The following RBFOX1 variants were observed in gnomAD, a reference collection of about 807,000 sequenced individuals.
The protein encoded by RBFOX1 is RNA binding protein fox-1 homolog 1.
Under a neutral mutation model 57.7 loss-of-function variants are expected in RBFOX1, and 8 were observed. The ratio of observed to expected loss-of-function variants is 0.14; its 90% CI spans 0.08 to 0.25. The LOEUF is 0.25. RBFOX1 is among the 10% of genes least tolerant of loss of function. RBFOX1 has a pLI of 1.00. For synonymous variants in RBFOX1, 326 were observed against 222.4 expected (o/e 1.47, Z -4.15); for missense variants, 611 against 548.5 (o/e 1.11, Z -1.14).
At chr16:7,706,443 G>C (rs3785189) in intron 14 of RBFOX1, among the ~76,000 whole-genome samples, 2 of 152,022 alleles carry the variant, frequency 1.3e-5, no homozygotes, top group Admixed American at 1.3e-4. Context: ...TATGCCCAGC[G>C]TTATAGAATT....
At chr16:5,589,260 C>T (rs1027221875) in intron 2 of RBFOX1, among the ~76,000 whole-genome samples, 1 of 152,140 alleles carries the variant, frequency 6.6e-6, no homozygotes, top group Non-Finnish European at 1.5e-5. Flanking sequence ...GGGAATGCTT[C>T]TGTTCCTTTG....
chr16:7,494,388 T>A (rs2067912328), intron 4 of RBFOX1, among the ~76,000 whole-genome samples: 1 of 152,210 alleles, frequency 6.6e-6, no homozygotes, highest in South Asian at 2.1e-4. Context: ...TGTGTGATGA[T>A]GGGTGTGATG....
chr16:7,211,412 A>C (rs1372229671), intron 4 of RBFOX1, among the ~76,000 whole-genome samples: 1 of 150,886 alleles, frequency 6.6e-6, no homozygotes, highest in Non-Finnish European at 1.5e-5. Flanking sequence ...AAAAAAAAAA[A>C]TTGGACTCTG....
At chr16:5,509,606 C>A (rs1012143144) in intron 2 of RBFOX1, among the ~76,000 whole-genome samples, 1 of 152,204 alleles carries the variant, frequency 6.6e-6, no homozygotes, top group African/African-American at 2.4e-5. Context: ...GTGAGGGGCC[C>A]TTGCAAATTC....
chr16:6,280,897 C>T lies in RBFOX1; in HGVS notation c.-126-36098C>T, dbSNP rs570199033. ...TTTTGTTAATATATATGTCTAGGAG[C>T]GTGCTCAGTCTAACATCTCCAAAGC... On this transcript the variant is annotated intron_variant, in intron 1 of 15. Coordinates refer to ENST00000550418, the MANE Select transcript of RBFOX1 (RefSeq NM_018723.4). Among the ~76,000 whole-genome samples the T allele has an allele frequency of 2.8e-4, 42 of 151,402 alleles. 1 individual carries two copies. Among genetic ancestry groups the T allele is most frequent in the Admixed American group, 2.7e-3 (41 of 15,182 alleles).
intron 1 of RBFOX1, among the ~76,000 whole-genome samples, chr16:6,239,252 T>TATC (rs933620196): frequency 1.3e-5 from 2 of 152,116 alleles, no homozygotes; most frequent in African/African-American, 2.4e-5. Flanking sequence ...ATGTTCGTCT[T>TATC]ATCTTTAATC....
At chr16:6,853,846 C>G (rs1445444505) in intron 3 of RBFOX1, among the ~76,000 whole-genome samples, 2 of 152,100 alleles carry the variant, frequency 1.3e-5, no homozygotes, top group East Asian at 3.9e-4. Flanking sequence ...AGTGTGGTGA[C>G]AAATGATGAG....
At chr16:6,650,414 G>T (rs1231182296) in intron 2 of RBFOX1, among the ~76,000 whole-genome samples, 2 of 152,292 alleles carry the variant, frequency 1.3e-5, no homozygotes, top group Admixed American at 6.5e-5. Context: ...GAAAGGGAAA[G>T]CACCTGATGA....
intron 3 of RBFOX1, among the ~76,000 whole-genome samples, chr16:6,692,275 C>A (rs1048828953): frequency 6.6e-6 from 1 of 150,652 alleles, no homozygotes; most frequent in Admixed American, 6.7e-5. Context: ...TGTGTCTGAG[C>A]TGTGGTTTGG....
chr16:7,651,910 G>A (rs1230460093), intron 11 of RBFOX1, among the ~76,000 whole-genome samples: 1 of 152,220 alleles, frequency 6.6e-6, no homozygotes, highest in Non-Finnish European at 1.5e-5. Flanking sequence ...GACAAGCGTA[G>A]TGAGTATGGT....
chr16:7,095,830 G>A (rs748640335), intron 4 of RBFOX1, among the ~76,000 whole-genome samples: 1 of 152,016 alleles, frequency 6.6e-6, no homozygotes, highest in Non-Finnish European at 1.5e-5. Flanking sequence ...GGCTAACACG[G>A]TGAAACACCT....
At chr16:7,604,003 T>G (rs1482456067) in intron 9 of RBFOX1, among the ~76,000 whole-genome samples, 4 of 152,142 alleles carry the variant, frequency 2.6e-5, no homozygotes, top group Non-Finnish European at 5.9e-5. Flanking sequence ...TAGGAATGCC[T>G]TGGTCTGCAG....
chr16:7,635,607 A>G (rs1597016693), intron 11 of RBFOX1, among the ~76,000 whole-genome samples: 1 of 152,278 alleles, frequency 6.6e-6, no homozygotes, highest in African/African-American at 2.4e-5. Context: ...TTGACTTTAC[A>G]GAGGAGAGTA....
At chr16:6,687,183 A>C (rs940558015) in intron 3 of RBFOX1, among the ~76,000 whole-genome samples, 1 of 152,170 alleles carries the variant, frequency 6.6e-6, no homozygotes, top group South Asian at 2.1e-4. Context: ...CTTGGTTTTA[A>C]CATCAGGTAG....
chr16:6,529,115 G>A (rs1424400989), intron 2 of RBFOX1, among the ~76,000 whole-genome samples: 1 of 152,086 alleles, frequency 6.6e-6, no homozygotes. Flanking sequence ...GTTATACTCC[G>A]AAATGTGGTG....
chr16:6,571,657 C>A (rs1009737394), intron 2 of RBFOX1, among the ~76,000 whole-genome samples: 1 of 152,046 alleles, frequency 6.6e-6, no homozygotes, highest in Non-Finnish European at 1.5e-5. Context: ...TTCTCTTGAG[C>A]CTGCTGAAGG....
intron 2 of RBFOX1, among the ~76,000 whole-genome samples, chr16:6,382,481 C>T (rs2091905421): frequency 1.3e-5 from 2 of 152,162 alleles, no homozygotes; most frequent in South Asian, 2.1e-4. Flanking sequence ...CATAGTGTGA[C>T]CTGGAGCCAG....
chr16:7,624,864 G>T (rs2059846543), intron 10 of RBFOX1, among the ~76,000 whole-genome samples: 1 of 152,190 alleles, frequency 6.6e-6, no homozygotes, highest in Non-Finnish European at 1.5e-5. Context: ...TGCCAAGGTT[G>T]TTGGTTTTGC....
chr16:5,617,490 G>T (rs931497931), intron 3 of RBFOX1, among the ~76,000 whole-genome samples: 2 of 152,182 alleles, frequency 1.3e-5, no homozygotes, highest in Admixed American at 1.3e-4. Flanking sequence ...CATCAGGCTT[G>T]TTCCCCTCCT....
Sources: allele counts gnomAD v4.1 joint callset (sites outside exome capture counted in the v4.1 genomes callset), GRCh38; gene constraint gnomAD v4.1.1; transcripts MANE v1.5; gene names NCBI Gene and HGNC (gene_info 2026-07-23, HGNC 2026-07-21).